The following DIS3L2 variants were observed in gnomAD, a reference collection of about 807,000 sequenced individuals.
The protein encoded by DIS3L2 is DIS3 like 3'-5' exoribonuclease 2.
Under a neutral mutation model 97.5 loss-of-function variants are expected in DIS3L2, and 34 were observed. The observed-to-expected ratio is 0.35, with a 90% CI of 0.27 to 0.46. DIS3L2 has a LOEUF of 0.46. DIS3L2 is among the 20% of genes least tolerant of loss of function. The probability of loss-of-function intolerance (pLI) is 1.00; values close to 1 mark genes in which losing one functional copy is unlikely to be tolerated. For missense variants in DIS3L2, 1,038 were observed against 1,146.0 expected (o/e 0.91, Z 1.36); for synonymous variants, 435 against 445.2 (o/e 0.98, Z 0.29).
chr2:232,074,348 A>G (rs1696122315), intron 5 of DIS3L2, among the ~76,000 whole-genome samples: 1 of 152,074 alleles, frequency 6.6e-6, no homozygotes, highest in Non-Finnish European at 1.5e-5. Context: ...CTTAGTATTT[A>G]TTTCTCACTA....
chr2:231,976,830 C>T (rs1221246720), intron 1 of DIS3L2, among the ~76,000 whole-genome samples: 6 of 146,656 alleles, frequency 4.1e-5, no homozygotes, highest in East Asian at 2.1e-4. Flanking sequence ...TACAGTGGCG[C>T]GATCTTGGCT....
chr2:232,051,811 C>CAAAAAAAAAAAA (rs58851349), intron 5 of DIS3L2, among the ~76,000 whole-genome samples: 12 of 37,062 alleles, frequency 3.2e-4, no homozygotes, highest in Non-Finnish European at 4.8e-4. Context: ...GACTCCGTCT[C>CAAAAAAAAAAAA]AAAAAAAAAA....
chr2:232,341,651 G>A (rs1696103322), downstream of DIS3L2, among the ~76,000 whole-genome samples: 1 of 152,344 alleles, frequency 6.6e-6, no homozygotes, highest in East Asian at 1.9e-4. Context: ...GAAGCTAAAT[G>A]CTCATTTTCC....
Position 232,024,261 on chromosome 2 carries a change from AT to A in DIS3L2, c.211-10del. The A allele has an allele frequency of 2.6e-6, 4 of 1,566,972 alleles. No homozygotes were observed. The highest frequency in any genetic ancestry group is 2.4e-5 in the South Asian group (2 of 82,820). On this transcript the variant is annotated splice_polypyrimidine_tract_variant and intron_variant, in intron 3 of 20. Transcript: ENST00000325385. ...ATATAGCTAGATTTTCACAAACTTT[AT>A]TTTTTGTTTTAAAGGGTGTATTGAG...
intron 14 of DIS3L2, among the ~76,000 whole-genome samples, chr2:232,311,246 C>T (rs1575010799): frequency 1.3e-5 from 2 of 152,352 alleles, no homozygotes; most frequent in East Asian, 3.9e-4. Context: ...GTCCATGTCT[C>T]AGCATATAGT....
chr2:232,184,048 A>G (rs550016773), intron 9 of DIS3L2, among the ~76,000 whole-genome samples: 1 of 152,370 alleles, frequency 6.6e-6, no homozygotes, highest in East Asian at 1.9e-4. Flanking sequence ...AAAACTTTAC[A>G]AAGTTCAGTG....
intron 13 of DIS3L2, among the ~76,000 whole-genome samples, chr2:232,286,932 A>G (rs1574994911): frequency 6.6e-6 from 1 of 152,148 alleles, no homozygotes; most frequent in Non-Finnish European, 1.5e-5. Context: ...GGCGTGAGCC[A>G]CCGCGCCTGG....
At chr2:232,102,299 A>G (rs1012328144) in intron 6 of DIS3L2, among the ~76,000 whole-genome samples, 3 of 152,226 alleles carry the variant, frequency 2.0e-5, no homozygotes, top group Non-Finnish European at 4.4e-5. Flanking sequence ...AAAGCAAGAG[A>G]GACATAACTA....
intron 6 of DIS3L2, among the ~76,000 whole-genome samples, chr2:232,110,073 A>G (rs907777509): frequency 6.6e-6 from 1 of 152,136 alleles, no homozygotes; most frequent in Non-Finnish European, 1.5e-5. Flanking sequence ...AAAAGAAGAC[A>G]TGCATGTGGC....
chr2:232,294,358 A>T (rs1694673594), intron 13 of DIS3L2, among the ~76,000 whole-genome samples: 1 of 152,194 alleles, frequency 6.6e-6, no homozygotes, highest in South Asian at 2.1e-4. Context: ...AGCAAGGAGG[A>T]AATGCCTGCT....
At chr2:232,100,192 ATTT>A (rs10594218) in intron 6 of DIS3L2, among the ~76,000 whole-genome samples, 1,538 of 112,512 alleles carry the variant, frequency 0.014, 12 homozygotes, top group Non-Finnish European at 0.019. Flanking sequence ...CCCTGCTAAT[ATTT>A]TTTTTTTTTT....
chr2:232,127,920 T>TG (rs1698110546), intron 6 of DIS3L2, among the ~76,000 whole-genome samples: 1 of 152,156 alleles, frequency 6.6e-6, no homozygotes, highest in Admixed American at 6.6e-5. Flanking sequence ...CCCTTCTTTT[T>TG]GGGATTATTC....
intron 1 of DIS3L2, among the ~76,000 whole-genome samples, chr2:231,966,641 ATTTTTTTTTTTTT>A (rs36151054): frequency 2.0e-3 from 100 of 50,382 alleles, no homozygotes; most frequent in East Asian, 0.011. Context: ...GTTAAAAAAC[ATTTTTTTTTTTTT>A]TTTTTTTTTT....
intron 6 of DIS3L2, among the ~76,000 whole-genome samples, chr2:232,093,743 A>G (rs987027831): frequency 6.6e-6 from 1 of 151,808 alleles, no homozygotes; most frequent in African/African-American, 2.4e-5. Context: ...CTCCTTTTTC[A>G]TCTCTGATTT....
At chr2:232,265,419 C>G (rs1693829419) in intron 13 of DIS3L2, among the ~76,000 whole-genome samples, 2 of 152,354 alleles carry the variant, frequency 1.3e-5, no homozygotes, top group South Asian at 4.1e-4. Context: ...CTCCCTCCCC[C>G]AGCTCTAGTC....
chr2:232,189,134 G>T (rs769111359), intron 9 of DIS3L2, among the ~76,000 whole-genome samples: 1 of 152,150 alleles, frequency 6.6e-6, no homozygotes, highest in African/African-American at 2.4e-5. Context: ...AAACGTTGCC[G>T]GTGGAAATGT....
chr2:232,286,606 T>C (rs1184260926), intron 13 of DIS3L2, among the ~76,000 whole-genome samples: 2 of 152,226 alleles, frequency 1.3e-5, no homozygotes, highest in Admixed American at 1.3e-4. Flanking sequence ...TACTGTATAA[T>C]ACATCAAGAA....
At chr2:232,034,721 A>G (rs908436421) in intron 5 of DIS3L2, among the ~76,000 whole-genome samples, 1 of 152,122 alleles carries the variant, frequency 6.6e-6, no homozygotes, top group Admixed American at 6.5e-5. Flanking sequence ...TAATTTCATT[A>G]TTTACCCAGT....
intron 6 of DIS3L2, among the ~76,000 whole-genome samples, chr2:232,090,623 A>G (rs1481627099): frequency 1.3e-5 from 2 of 152,210 alleles, no homozygotes; most frequent in Admixed American, 6.5e-5. Flanking sequence ...TAGGGTTTTG[A>G]AGTTTGTTAT....
Sources: gnomAD v4.1 joint callset for allele counts (sites outside exome capture counted in the v4.1 genomes callset) on GRCh38, gnomAD v4.1.1 for gene constraint, MANE v1.5 for transcripts, NCBI Gene and HGNC (gene_info 2026-07-23, HGNC 2026-07-21) for gene names.